NTM: variants seen among roughly 807,000 people sequenced by gnomAD.
The protein encoded by NTM is IgLON family member 2.
In NTM, 13 loss-of-function variants were observed where a neutral mutation model predicts 42.1. That is an observed-to-expected ratio of 0.31 (90% CI 0.20 to 0.49). The LOEUF (loss-of-function observed/expected upper bound fraction) is 0.49. Among genes scored for constraint, NTM ranks in the 20% least tolerant of loss-of-function variants. NTM has a pLI of 0.99. For missense variants in NTM, 373 were observed against 452.8 expected (o/e 0.82, Z 1.60); for synonymous variants, 187 against 179.2 (o/e 1.04, Z -0.35).
At chr11:131,976,971 C>T (rs918158407) in intron 2 of NTM, among the ~76,000 whole-genome samples, 4 of 152,194 alleles carry the variant, frequency 2.6e-5, no homozygotes, top group African/African-American at 9.6e-5. Flanking sequence ...GACCACTAAT[C>T]TTTCCTGACA....
intron 1 of NTM, among the ~76,000 whole-genome samples, chr11:131,789,610 G>A (rs2090401780): frequency 5.9e-5 from 5 of 84,292 alleles, no homozygotes; most frequent in African/African-American, 1.6e-4. Flanking sequence ...AGAAGAAGAA[G>A]AAGAAGAAGA....
At chr11:132,130,166 G>A (rs1371097512) in intron 2 of NTM, among the ~76,000 whole-genome samples, 2 of 152,204 alleles carry the variant, frequency 1.3e-5, no homozygotes, top group African/African-American at 2.4e-5. Flanking sequence ...GAGGTGACCA[G>A]TAATAGGAAA....
intron 1 of NTM, among the ~76,000 whole-genome samples, chr11:131,716,032 T>C (rs1437848655): frequency 6.6e-6 from 1 of 152,210 alleles, no homozygotes; most frequent in South Asian, 2.1e-4. Context: ...CAGAGCAGCT[T>C]GTAAACAACA....
At chr11:131,892,257 G>A (rs1002579281) in intron 1 of NTM, among the ~76,000 whole-genome samples, 5 of 152,206 alleles carry the variant, frequency 3.3e-5, no homozygotes, top group African/African-American at 9.6e-5. Flanking sequence ...AGGGTAGCTG[G>A]GTGAGAATTA....
In NTM at chr11:131,504,695, C is replaced by T. The variant is rs540144064; in HGVS notation, c.82+133807C>T. On this transcript the variant is annotated intron_variant, in intron 1 of 8. Transcript: ENST00000683400. ...TCTTCCTGGCCTGCGTGCTCCATGG[C>T]CATCTGGGTGTCAGCGTGCCCTCAC... is the stretch of plus-strand genomic sequence containing the variant. 3.7e-4 allele frequency among the ~76,000 whole-genome samples: 56 copies of T among 152,202 alleles called. 2 individuals are homozygous for T. In the South Asian group the frequency reaches 0.011, roughly 29 times the overall value.
At chr11:132,055,001 G>A (rs1301110266) in intron 2 of NTM, among the ~76,000 whole-genome samples, 1 of 152,202 alleles carries the variant, frequency 6.6e-6, no homozygotes, top group African/African-American at 2.4e-5. Context: ...TTGGTGTGAG[G>A]TTGCAGTAGG....
intron 1 of NTM, among the ~76,000 whole-genome samples, chr11:131,889,622 A>G (rs552840907): frequency 1.3e-5 from 2 of 152,248 alleles, no homozygotes; most frequent in Admixed American, 1.3e-4. Flanking sequence ...TAAACAACAG[A>G]CTCAGTGGAG....
At chr11:132,249,709 G>A (rs1423486708) in intron 4 of NTM, among the ~76,000 whole-genome samples, 1 of 152,192 alleles carries the variant, frequency 6.6e-6, no homozygotes, top group Non-Finnish European at 1.5e-5. Context: ...ATTTTCTCCT[G>A]AATGTGATCT....
chr11:132,081,575 AC>A (rs2059054051), intron 2 of NTM, among the ~76,000 whole-genome samples: 2 of 152,066 alleles, frequency 1.3e-5, no homozygotes, highest in African/African-American at 4.8e-5. Flanking sequence ...TACTAAAAAT[AC>A]AAAAAATTAG....
chr11:131,624,197 G>A (rs968742301), intron 1 of NTM, among the ~76,000 whole-genome samples: 3 of 152,108 alleles, frequency 2.0e-5, no homozygotes, highest in Non-Finnish European at 2.9e-5. Flanking sequence ...AGTGCGGTCC[G>A]GCCTGGGTAT....
chr11:131,585,314 T>A (rs769457222), intron 1 of NTM, among the ~76,000 whole-genome samples: 1 of 152,224 alleles, frequency 6.6e-6, no homozygotes, highest in Non-Finnish European at 1.5e-5. Flanking sequence ...CTTGGCAGCC[T>A]TCCTGCCAGC....
intron 1 of NTM, chr11:131,539,038 T>C (rs1237170450): frequency 6.8e-6 from 1 of 146,732 alleles, no homozygotes; most frequent in Non-Finnish European, 1.5e-5. Flanking sequence ...TATCAAGCAA[T>C]CCTCCCACCT....
chr11:131,931,986 G>C (rs1162979547), intron 2 of NTM, among the ~76,000 whole-genome samples: 1 of 152,180 alleles, frequency 6.6e-6, no homozygotes, highest in Non-Finnish European at 1.5e-5. Context: ...GCGGTGCCTC[G>C]ATCTGTTTCC....
chr11:131,491,527 A>G (rs556519103), intron 1 of NTM, among the ~76,000 whole-genome samples: 35 of 152,226 alleles, frequency 2.3e-4, no homozygotes, highest in South Asian at 6.2e-4. Context: ...GAGCACCTCA[A>G]AATGGCATAA....
chr11:131,843,249 C>G (rs1328751008), intron 1 of NTM, among the ~76,000 whole-genome samples: 1 of 152,102 alleles, frequency 6.6e-6, no homozygotes, highest in Non-Finnish European at 1.5e-5. Context: ...GCTCCTGTCT[C>G]CCCTCTCCAG....
chr11:132,089,659 A>G (rs2060161782), intron 2 of NTM, among the ~76,000 whole-genome samples: 1 of 152,174 alleles, frequency 6.6e-6, no homozygotes, highest in African/African-American at 2.4e-5. Flanking sequence ...TCAGTTATTC[A>G]TTTGTAAACT....
intron 1 of NTM, among the ~76,000 whole-genome samples, chr11:131,374,032 G>A (rs1293313080): frequency 2.0e-5 from 3 of 152,220 alleles, no homozygotes; most frequent in Admixed American, 6.5e-5. Context: ...CAATGCTTCT[G>A]ATATTCAGGG....
chr11:132,225,087 G>T (rs1293392900), intron 4 of NTM, among the ~76,000 whole-genome samples: 2 of 152,164 alleles, frequency 1.3e-5, no homozygotes, highest in Non-Finnish European at 2.9e-5. Context: ...GAACAGAAAT[G>T]ATAGAATACA....
intron 2 of NTM, among the ~76,000 whole-genome samples, chr11:131,942,165 A>T (rs1470857130): frequency 1.3e-5 from 2 of 152,230 alleles, no homozygotes; most frequent in Non-Finnish European, 2.9e-5. Flanking sequence ...TGGCAGAAGC[A>T]GGTAAAACTG....
Sources: gnomAD v4.1 joint callset for allele counts (sites outside exome capture counted in the v4.1 genomes callset) on GRCh38, gnomAD v4.1.1 for gene constraint, MANE v1.5 for transcripts, NCBI Gene and HGNC (gene_info 2026-07-23, HGNC 2026-07-21) for gene names.